OSBPL3: variants seen among roughly 807,000 people sequenced by gnomAD.
The protein encoded by OSBPL3 is oxysterol binding protein like 3.
A neutral mutation model predicts 120.1 loss-of-function variants in OSBPL3; 65 were observed. The observed-to-expected ratio is 0.54, with a 90% CI of 0.44 to 0.67. The LOEUF is 0.67. OSBPL3 is among the 30% of genes least tolerant of loss of function. The pLI is 0.00. For synonymous variants in OSBPL3, 416 were observed against 402.6 expected (o/e 1.03, Z -0.40); for missense variants, 1,004 against 1,082.1 (o/e 0.93, Z 1.01).
intron 22 of OSBPL3, among the ~76,000 whole-genome samples, chr7:24,801,575 C>G (rs1792362622): frequency 6.6e-6 from 1 of 152,180 alleles, no homozygotes; most frequent in South Asian, 2.1e-4. Context: ...TATTGGAGAT[C>G]ATTTCCGATT....
chr7:24,809,776 C>T, intron 20 of OSBPL3, 31 bp downstream of exon 20: 1 of 1,611,152 alleles, frequency 6.2e-7, no homozygotes, highest in Non-Finnish European at 8.5e-7. Context: ...CACCCACTCA[C>T]AGCCTGGGGT....
rs983116045 is a variant in OSBPL3 at position 24,900,552 on chromosome 7, C to T, written c.-149-7931G>A. Among the ~76,000 whole-genome samples the T allele has an allele frequency of 6.6e-5, 10 of 152,126 alleles. No individual in the cohort carries two copies. Among genetic ancestry groups the T allele is most frequent in the African/African-American group, 2.4e-4 (10 of 41,430 alleles). On this transcript the variant is annotated intron_variant, in intron 1 of 22. Transcript: ENST00000313367. The surrounding 1 kb of genome is among the most constrained non-coding windows in gnomAD (Gnocchi z 4.5). ...TTCTTTTCTGGGAAAGATTTTGTCCCACTGCTTAGCTACTCCTTAATCAAG... is the reference window on the plus strand; with the variant it reads ...TTCTTTTCTGGGAAAGATTTTGTCCTACTGCTTAGCTACTCCTTAATCAAG...
chr7:24,850,857 A>G (rs1034172517), intron 11 of OSBPL3, among the ~76,000 whole-genome samples: 1 of 152,230 alleles, frequency 6.6e-6, no homozygotes, highest in African/African-American at 2.4e-5. Context: ...GGTTCTAAAA[A>G]TTTTATTTTC....
chr7:24,807,247 C>A (rs941265531), intron 20 of OSBPL3, among the ~76,000 whole-genome samples: 2 of 152,176 alleles, frequency 1.3e-5, no homozygotes, highest in Non-Finnish European at 2.9e-5. Flanking sequence ...AATCCCAGCA[C>A]TTTGGGAGGC....
chr7:24,897,225 C>T (rs971155520), intron 1 of OSBPL3, among the ~76,000 whole-genome samples: 4 of 152,080 alleles, frequency 2.6e-5, no homozygotes, highest in African/African-American at 9.7e-5. Flanking sequence ...AGGCTCATGG[C>T]CTCCTCTCTC....
chr7:24,882,188 G>A (rs1034911440), intron 2 of OSBPL3, among the ~76,000 whole-genome samples: 1 of 152,046 alleles, frequency 6.6e-6, no homozygotes, highest in African/African-American at 2.4e-5. Context: ...GGTCAAGTCA[G>A]GGCTTTCAGG....
chr7:24,814,425 G>A (rs1332504275), intron 19 of OSBPL3, among the ~76,000 whole-genome samples: 3 of 151,702 alleles, frequency 2.0e-5, no homozygotes, highest in Non-Finnish European at 4.4e-5. Context: ...AGCTGTTGGG[G>A]GATTTTGCTC....
At chr7:24,906,358 C>T (rs1040301941) in intron 1 of OSBPL3, 4 of 240,482 alleles carry the variant, frequency 1.7e-5, no homozygotes, top group Non-Finnish European at 3.4e-5. Context: ...GGGAGACTTG[C>T]GAGGAGGTGG....
chr7:24,928,551 C>T (rs1291138673), intron 1 of OSBPL3, among the ~76,000 whole-genome samples: 2 of 152,096 alleles, frequency 1.3e-5, no homozygotes, highest in Non-Finnish European at 2.9e-5. Context: ...TAAGAGAATA[C>T]AGCACCCCTT....
At position 24,932,958 on chromosome 7, in the gene OSBPL3, A is replaced by G. The variant is rs2128469216; in HGVS notation, c.-149-40337T>C. Among the ~76,000 whole-genome samples the G allele has an allele frequency of 6.6e-6, 1 of 152,384 alleles. No individual in the cohort carries two copies. The highest frequency in any genetic ancestry group is 6.5e-5 in the Admixed American group (1 of 15,306). On this transcript the variant is annotated intron_variant, in intron 1 of 22. Transcript: ENST00000313367. This position sits in a 1 kb window ranked among gnomAD's most constrained non-coding sequence, Gnocchi z 5.6. ...AAGGCAGAATGCCATGTTACAAACC[A>G]GTGAACCGTCTTTCCTCCATATTCA...
chr7:24,808,069 C>CTT lies in OSBPL3; in HGVS notation c.2318-1169_2318-1168dup, dbSNP rs1269319641. On this transcript the variant is annotated intron_variant, in intron 20 of 22. Transcript: ENST00000313367. The surrounding 1 kb of genome is among the most constrained non-coding windows in gnomAD (Gnocchi z 4.6). ...ATGCACACCACCATGCCTGGCTAAT[C>CTT]TTTGTATTTTTAGTAGAGATGAGAT... Among the ~76,000 whole-genome samples, 2 of 152,076 alleles carry CTT rather than the reference C, an allele frequency of 1.3e-5. No homozygotes were observed. The highest frequency in any genetic ancestry group is 2.9e-5 in the Non-Finnish European group (2 of 68,006).
chr7:24,973,815 C>T (rs551304023), intron 1 of OSBPL3, among the ~76,000 whole-genome samples: 1 of 152,196 alleles, frequency 6.6e-6, no homozygotes, highest in African/African-American at 2.4e-5. Context: ...AAATATTATA[C>T]TCCAGACTTT....
intron 20 of OSBPL3, among the ~76,000 whole-genome samples, chr7:24,809,100 T>C (rs983161100): frequency 2.6e-5 from 4 of 152,162 alleles, no homozygotes; most frequent in African/African-American, 9.7e-5. Context: ...TGTTGTGTAA[T>C]AGCACACAGC....
At chr7:24,949,657 CAG>C (rs1283005394) in intron 1 of OSBPL3, among the ~76,000 whole-genome samples, 1 of 152,098 alleles carries the variant, frequency 6.6e-6, no homozygotes, top group Non-Finnish European at 1.5e-5. Flanking sequence ...CTTTTGTCCC[CAG>C]AGCCTTCTTT....
At chr7:24,850,861 T>G (rs943853871) in intron 11 of OSBPL3, among the ~76,000 whole-genome samples, 1 of 152,224 alleles carries the variant, frequency 6.6e-6, no homozygotes, top group Admixed American at 6.5e-5. Flanking sequence ...CTAAAAATTT[T>G]ATTTTCAAAA....
At position 24,890,029 on chromosome 7, in the gene OSBPL3, T is replaced by A. The variant is rs116971644; in HGVS notation, c.96+2348A>T. Among the ~76,000 whole-genome samples the A allele has an allele frequency of 5.7e-3, 862 of 152,086 alleles. 2 individuals carry two copies. The highest frequency in any genetic ancestry group is 0.029 in the South Asian group (142 of 4,824). On this transcript the variant is annotated intron_variant, in intron 2 of 22. Coordinates refer to ENST00000313367, the MANE Select transcript of OSBPL3 (RefSeq NM_015550.4). ...CAGCAAATCCCTAGATGGGTCAGGG[T>A]GAGCGCAGAGAAAGAATACATGGAA... is the stretch of plus-strand genomic sequence containing the variant.
intron 1 of OSBPL3, among the ~76,000 whole-genome samples, chr7:24,950,374 G>A (rs1299209896): frequency 2.0e-5 from 3 of 152,296 alleles, no homozygotes; most frequent in Admixed American, 6.5e-5. Context: ...TATAGAAAGA[G>A]TTAAACTCAT....
chr7:24,969,569 T>C (rs2128534393), intron 1 of OSBPL3, among the ~76,000 whole-genome samples: 1 of 152,324 alleles, frequency 6.6e-6, no homozygotes, highest in South Asian at 2.1e-4. Flanking sequence ...TTGTATTTTT[T>C]TGTATTTCTA....
At chr7:24,909,783 CTTTTTTTTTTTTT>C (rs10591188) in intron 1 of OSBPL3, among the ~76,000 whole-genome samples, 9 of 77,280 alleles carry the variant, frequency 1.2e-4, no homozygotes, top group African/African-American at 3.2e-4. Flanking sequence ...TTTTTTCTTT[CTTTTTTTTTTTTT>C]TTTTTTTTTT....
Sources: gnomAD v4.1 joint callset for allele counts (sites outside exome capture counted in the v4.1 genomes callset) on GRCh38, gnomAD v4.1.1 for gene constraint, Gnocchi (gnomAD v3.1) non-coding constraint, MANE v1.5 for transcripts, NCBI Gene and HGNC (gene_info 2026-07-23, HGNC 2026-07-21) for gene names.